Variants in KCTD16 observed in about 807,000 individuals in gnomAD.
The protein encoded by KCTD16 is potassium channel tetramerization domain containing 16, also known as BTB/POZ domain-containing protein KCTD16.
A neutral mutation model predicts 33.2 loss-of-function variants in KCTD16; 13 were observed. That is an observed-to-expected ratio of 0.39 (90% CI 0.25 to 0.62). KCTD16 has a LOEUF of 0.62. Among genes scored for constraint, KCTD16 ranks in the 20% least tolerant of loss-of-function variants. The pLI is 0.50. For synonymous variants in KCTD16, 197 were observed against 195.3 expected, an observed-to-expected ratio of 1.01 and a Z score of -0.07; for missense variants, 441 against 525.1, an observed-to-expected ratio of 0.84 and a Z score of 1.57.
chr5:144,360,700 G>T (rs1436755207), intron 3 of KCTD16, among the ~76,000 whole-genome samples: 1 of 152,124 alleles, frequency 6.6e-6, no homozygotes, highest in Non-Finnish European at 1.5e-5. Flanking sequence ...AAAGTGCTGG[G>T]ATTACAGGCG....
chr5:144,474,074 A>G lies in KCTD16; in HGVS notation c.1247A>G (p.His416Arg), dbSNP rs1249046875. 4 of 1,613,166 alleles carry G rather than the reference A, an allele frequency of 2.5e-6. No homozygotes were observed. Among genetic ancestry groups the G allele is most frequent in the Non-Finnish European group, 3.4e-6 (4 of 1,179,692 alleles). ...KIPDRFPERK[H>R]PWQSELLRKY... ...CCAGATCGGTTTCCTGAGAGAAAAC[A>G]TCCTTGGCAATCTGAACTTTTAAGG... The change falls in exon 4 of 4, where the codon CAT (histidine) becomes CGT (arginine). Residue 416 changes from histidine to arginine, a missense_variant. By Grantham distance (29) the His-to-Arg change is conservative. Coordinates refer to ENST00000512467, the MANE Select transcript of KCTD16 (RefSeq NM_020768.4).
intron 3 of KCTD16, among the ~76,000 whole-genome samples, chr5:144,394,124 A>G (rs1377281366): frequency 6.6e-6 from 1 of 151,948 alleles, no homozygotes; most frequent in African/African-American, 2.4e-5. Flanking sequence ...TCTAGTTTCT[A>G]TTACTATCTG....
At chr5:144,412,028 A>G (rs1451801271) in intron 3 of KCTD16, among the ~76,000 whole-genome samples, 3 of 152,196 alleles carry the variant, frequency 2.0e-5, no homozygotes, top group Non-Finnish European at 4.4e-5. Context: ...GGAGTAATGG[A>G]TGCTAACAAG....
intron 3 of KCTD16, among the ~76,000 whole-genome samples, chr5:144,331,597 G>A (rs1451826406): frequency 1.3e-5 from 2 of 152,122 alleles, no homozygotes; most frequent in East Asian, 1.9e-4. Flanking sequence ...GGGAATGGGA[G>A]TCTGTCCATT....
intron 3 of KCTD16, among the ~76,000 whole-genome samples, chr5:144,431,654 C>T (rs1561605653): frequency 1.3e-5 from 2 of 152,240 alleles, no homozygotes; most frequent in Admixed American, 6.5e-5. Flanking sequence ...TTAAAGCCCT[C>T]TTCTAGTGAT....
At chr5:144,439,468 A>G in intron 3 of KCTD16, 1 of 268,230 alleles carries the variant, frequency 3.7e-6, no homozygotes, top group Non-Finnish European at 7.3e-6. Flanking sequence ...AAGAAGCCAG[A>G]TGGTAAATGA....
intron 3 of KCTD16, among the ~76,000 whole-genome samples, chr5:144,354,261 CTGA>C (rs1226485754): frequency 6.6e-6 from 1 of 152,062 alleles, no homozygotes; most frequent in African/African-American, 2.4e-5. Flanking sequence ...AGAACTACTA[CTGA>C]TAAGTTTATT....
intron 3 of KCTD16, among the ~76,000 whole-genome samples, chr5:144,442,222 T>C (rs532202401): frequency 4.1e-4 from 63 of 152,244 alleles, no homozygotes; most frequent in Admixed American, 1.6e-3. Flanking sequence ...TTTAAGCCCT[T>C]TGTGCTAGCA....
intron 3 of KCTD16, among the ~76,000 whole-genome samples, chr5:144,290,101 T>C (rs914185000): frequency 6.6e-6 from 1 of 152,044 alleles, no homozygotes; most frequent in African/African-American, 2.4e-5. Context: ...GGCAACATGG[T>C]GAAACCTTGT....
intron 3 of KCTD16, among the ~76,000 whole-genome samples, chr5:144,265,566 GA>G (rs1416799397): frequency 3.3e-5 from 5 of 152,158 alleles, no homozygotes; most frequent in Admixed American, 6.5e-5. Context: ...CAATTTTAAA[GA>G]CTGTAATCTC....
chr5:144,244,024 T>C (rs987820879), intron 3 of KCTD16, among the ~76,000 whole-genome samples: 1 of 152,174 alleles, frequency 6.6e-6, no homozygotes, highest in African/African-American at 2.4e-5. Context: ...ATTACAGGCA[T>C]GAGCCACCGC....
At chr5:144,259,290 GAAGC>G (rs752222759) in intron 3 of KCTD16, among the ~76,000 whole-genome samples, 1 of 121,422 alleles carries the variant, frequency 8.2e-6, no homozygotes, top group East Asian at 2.4e-4. Flanking sequence ...AAAAAGGGAT[GAAGC>G]ATGTCCTTGG....
At chr5:144,353,733 G>A (rs55782026) in intron 3 of KCTD16, among the ~76,000 whole-genome samples, 3,394 of 152,150 alleles carry the variant, frequency 0.022, 128 homozygotes, top group African/African-American at 0.077. Context: ...TAAGGAACTA[G>A]CATTTAATTA....
At chr5:144,322,090 G>A (rs111247176) in intron 3 of KCTD16, among the ~76,000 whole-genome samples, 2 of 152,086 alleles carry the variant, frequency 1.3e-5, no homozygotes, top group African/African-American at 4.8e-5. Flanking sequence ...GATTGATCTC[G>A]AGGGATAAGA....
chr5:144,282,493 G>A (rs1755633492), intron 3 of KCTD16, among the ~76,000 whole-genome samples: 1 of 152,104 alleles, frequency 6.6e-6, no homozygotes, highest in African/African-American at 2.4e-5. Context: ...ATCCAAGGAG[G>A]GGGCTGTGAC....
intron 3 of KCTD16, among the ~76,000 whole-genome samples, chr5:144,262,531 A>T (rs1254765930): frequency 1.3e-5 from 2 of 152,244 alleles, no homozygotes; most frequent in East Asian, 3.8e-4. Flanking sequence ...CAGATGATTT[A>T]TCAGGTTGAA....
At chr5:144,293,819 A>C (rs901216209) in intron 3 of KCTD16, among the ~76,000 whole-genome samples, 1 of 152,236 alleles carries the variant, frequency 6.6e-6, no homozygotes, top group Non-Finnish European at 1.5e-5. Context: ...TTTTTAGAAA[A>C]TTATCTAGTA....
intron 2 of KCTD16, among the ~76,000 whole-genome samples, chr5:144,177,517 G>A (rs779095066): frequency 3.9e-5 from 6 of 152,118 alleles, no homozygotes; most frequent in Admixed American, 2.0e-4. Flanking sequence ...AATCTGCTCC[G>A]TACCTCTTTT....
chr5:144,401,562 ACAGCAT>A (rs1354191447), intron 3 of KCTD16, among the ~76,000 whole-genome samples: 2 of 152,202 alleles, frequency 1.3e-5, no homozygotes, highest in African/African-American at 2.4e-5. Flanking sequence ...GAGTCCACCA[ACAGCAT>A]TGAGAAGTGA....
Sources: allele counts gnomAD v4.1 joint callset (sites outside exome capture counted in the v4.1 genomes callset), GRCh38; gene constraint gnomAD v4.1.1; transcripts MANE v1.5; gene names NCBI Gene and HGNC (gene_info 2026-07-23, HGNC 2026-07-21).